PCMTD1: variants seen among roughly 807,000 people sequenced by gnomAD.
PCMTD1 encodes the protein protein-L-isoaspartate O-methyltransferase domain-containing protein 1.
A neutral mutation model predicts 37.6 loss-of-function variants in PCMTD1; 12 were observed. The observed-to-expected ratio is 0.32, with a 90% CI of 0.20 to 0.52. The LOEUF (loss-of-function observed/expected upper bound fraction) is 0.52. Ranked by LOEUF, PCMTD1 falls within the 20% of genes least tolerant of loss-of-function variation. The pLI is 0.97. For missense variants in PCMTD1, 235 were observed against 421.3 expected (o/e 0.56, Z 3.87); for synonymous variants, 117 against 135.8 (o/e 0.86, Z 0.96).
chr8:51,871,779 A>G (rs181900212), intron 1 of PCMTD1, among the ~76,000 whole-genome samples: 9 of 152,332 alleles, frequency 5.9e-5, no homozygotes, highest in East Asian at 1.9e-4. Context: ...TCAAATTTCA[A>G]TGCTCCCAAC....
intron 1 of PCMTD1, among the ~76,000 whole-genome samples, chr8:51,888,680 T>A (rs2038896831): frequency 6.6e-6 from 1 of 152,224 alleles, no homozygotes; most frequent in Non-Finnish European, 1.5e-5. Flanking sequence ...TCAAATTTAG[T>A]CATTTTTATC....
At chr8:51,824,894 T>A (rs556039118) in intron 5 of PCMTD1, among the ~76,000 whole-genome samples, 70 of 152,102 alleles carry the variant, frequency 4.6e-4, no homozygotes, top group African/African-American at 1.6e-3. Flanking sequence ...ACACTACACA[T>A]CTACAACCAT....
Position 51,842,347 on chromosome 8 carries a change from TGG to T in PCMTD1, c.410+3312_410+3313del, listed in dbSNP as rs1302182112. Reference sequence around the variant, plus strand: ...CATAAAAACATGTTTGTATTTTATTTGGAGAAAGGGTCTCACTCTGTTGCTCA... The same window carrying T: ...CATAAAAACATGTTTGTATTTTATTTAGAAAGGGTCTCACTCTGTTGCTCA... On this transcript the variant is annotated intron_variant, in intron 3 of 5. Transcript: ENST00000522514. 3.3e-5 allele frequency among the ~76,000 whole-genome samples: 5 copies of T among 152,336 alleles called. No homozygotes were observed. The East Asian group carries it at 9.6e-4, about 29-fold the overall frequency.
At chr8:51,820,773 AT>A in intron 5 of PCMTD1, 55 bp from the exon 6 acceptor site, 2 of 1,369,418 alleles carry the variant, frequency 1.5e-6, no homozygotes, top group Non-Finnish European at 1.9e-6. Context: ...AACATTATCT[AT>A]TGTTTATTTT....
At chr8:51,823,458 C>G (rs2037877280) in intron 5 of PCMTD1, among the ~76,000 whole-genome samples, 1 of 152,128 alleles carries the variant, frequency 6.6e-6, no homozygotes, top group Non-Finnish European at 1.5e-5. Flanking sequence ...GAGTGAGACC[C>G]TGTCTCAAAC....
At position 51,857,879 on chromosome 8, in the gene PCMTD1, C is replaced by CT. The variant is rs572567192; in HGVS notation, c.307+2965dup. ...TAACCACGCGTGTTGGTACTACCAG[C>CT]TACTCAGGAAGCTGAGGCGGGAGAA... On this transcript the variant is annotated intron_variant, in intron 2 of 5. Transcript: ENST00000522514. Among the ~76,000 whole-genome samples, 140 of 152,278 alleles carry CT rather than the reference C, an allele frequency of 9.2e-4. 1 individual carries two copies. The highest frequency in any genetic ancestry group is 3.2e-3 in the African/African-American group (135 of 41,554).
At chr8:51,887,834 C>T (rs901493678) in intron 1 of PCMTD1, among the ~76,000 whole-genome samples, 21 of 151,612 alleles carry the variant, frequency 1.4e-4, no homozygotes, top group South Asian at 4.2e-4. Flanking sequence ...CTCTGCCTCC[C>T]GGGTTCAAGC....
chr8:51,841,322 G>A (rs375200771), intron 3 of PCMTD1, among the ~76,000 whole-genome samples: 1 of 151,890 alleles, frequency 6.6e-6, no homozygotes, highest in Admixed American at 6.6e-5. Context: ...CATTTATATG[G>A]CAAACTATAC....
intron 1 of PCMTD1, chr8:51,870,347 G>T (rs2038620826): frequency 6.6e-6 from 1 of 152,176 alleles, no homozygotes. Flanking sequence ...TGCTTTAAGT[G>T]CAGAGGCAAC....
In PCMTD1 at chr8:51,890,950, T is replaced by G. The variant is rs149119985; in HGVS notation, c.-96+7980A>C. Among the ~76,000 whole-genome samples the G allele has an allele frequency of 4.1e-4, 63 of 152,308 alleles. 1 individual carries two copies. The Middle Eastern group carries it at 0.01, about 25-fold the overall frequency. Reference sequence around the variant, plus strand: ...CTGGACATTTCTAGTGGTGTTTTCATTAACACAGAGGTCCCTCAGAATTAA... The same window carrying G: ...CTGGACATTTCTAGTGGTGTTTTCAGTAACACAGAGGTCCCTCAGAATTAA... On this transcript the variant is annotated intron_variant, in intron 1 of 5. Transcript: ENST00000522514.
chr8:51,829,714 G>A (rs2037972636), intron 5 of PCMTD1, among the ~76,000 whole-genome samples: 1 of 152,142 alleles, frequency 6.6e-6, no homozygotes, highest in South Asian at 2.1e-4. Context: ...AGATTGCAGT[G>A]AGCCGAGATC....
intron 1 of PCMTD1, among the ~76,000 whole-genome samples, chr8:51,865,237 T>C (rs927112280): frequency 2.0e-4 from 31 of 152,202 alleles, no homozygotes; most frequent in African/African-American, 7.5e-4. Flanking sequence ...CAAGGTGGAA[T>C]TACGCCAAAC....
intron 2 of PCMTD1, chr8:51,860,617 G>A (rs990615644): frequency 2.1e-5 from 9 of 428,450 alleles, no homozygotes; most frequent in Admixed American, 1.1e-4. Flanking sequence ...TACAGACAAT[G>A]ACTAACAGAG....
intron 1 of PCMTD1, among the ~76,000 whole-genome samples, chr8:51,884,471 G>A (rs1426519406): frequency 6.6e-6 from 1 of 152,214 alleles, no homozygotes; most frequent in African/African-American, 2.4e-5. Flanking sequence ...TAACAAGTAT[G>A]TTCTTCAAGA....
chr8:51,843,527 C>A (rs1346567539), intron 3 of PCMTD1, among the ~76,000 whole-genome samples: 1 of 151,678 alleles, frequency 6.6e-6, no homozygotes, highest in African/African-American at 2.4e-5. Flanking sequence ...GAATAACAAA[C>A]CTGGGTAACA....
intron 1 of PCMTD1, among the ~76,000 whole-genome samples, chr8:51,887,744 TC>T (rs2038884676): frequency 1.3e-5 from 1 of 76,758 alleles, no homozygotes; most frequent in Non-Finnish European, 4.1e-5. Context: ...TTTCATAATT[TC>T]TTTTTTTTTT....
chr8:51,861,960 C>T (rs767636429), intron 1 of PCMTD1, among the ~76,000 whole-genome samples: 12 of 152,088 alleles, frequency 7.9e-5, no homozygotes, highest in Non-Finnish European at 1.5e-4. Flanking sequence ...GAGATCCATC[C>T]GCCCGGGCCG....
intron 2 of PCMTD1, among the ~76,000 whole-genome samples, chr8:51,855,051 G>A (rs1474109968): frequency 8.6e-5 from 13 of 151,582 alleles, no homozygotes; most frequent in South Asian, 2.1e-4. Flanking sequence ...GCACATGCCT[G>A]TAATCCCAGC....
intron 2 of PCMTD1, among the ~76,000 whole-genome samples, chr8:51,854,023 G>A (rs1379681320): frequency 2.0e-5 from 3 of 152,116 alleles, no homozygotes; most frequent in Admixed American, 2.0e-4. Flanking sequence ...AAATAGTAAG[G>A]ATTGGCTGTA....
Sources: gnomAD v4.1 joint callset for allele counts (sites outside exome capture counted in the v4.1 genomes callset) on GRCh38, gnomAD v4.1.1 for gene constraint, MANE v1.5 for transcripts, NCBI Gene and HGNC (gene_info 2026-07-23, HGNC 2026-07-21) for gene names.